Variants in DNAJC1 observed in about 807,000 individuals in gnomAD.
The protein encoded by DNAJC1 is dnaJ homolog subfamily C member 1.
Under a neutral mutation model 76.6 loss-of-function variants are expected in DNAJC1, and 58 were observed. The observed-to-expected ratio is 0.76, with a 90% CI of 0.61 to 0.94. The LOEUF (loss-of-function observed/expected upper bound fraction) is 0.94. DNAJC1 is among the 40% of genes least tolerant of loss of function. The pLI, the probability that DNAJC1 is intolerant of heterozygous loss-of-function variation, is 0.00. For missense variants in DNAJC1, 689 were observed against 677.3 expected, an observed-to-expected ratio of 1.02 and a Z score of -0.19; for synonymous variants, 258 against 267.9, an observed-to-expected ratio of 0.96 and a Z score of 0.36.
intron 9 of DNAJC1, among the ~76,000 whole-genome samples, chr10:21,768,438 TTC>T (rs749367259): frequency 6.6e-6 from 1 of 152,216 alleles, no homozygotes; most frequent in Non-Finnish European, 1.5e-5. Flanking sequence ...TTTTCCATCC[TTC>T]TCTGTTTCAT....
chr10:21,847,313 A>T (rs995483476), intron 8 of DNAJC1, among the ~76,000 whole-genome samples: 3 of 152,152 alleles, frequency 2.0e-5, no homozygotes, highest in Non-Finnish European at 2.9e-5. Context: ...TTCTTCTTTT[A>T]AAATTGATAT....
Position 21,918,913 on chromosome 10 carries a change from G to A in DNAJC1, c.636-41C>T, listed in dbSNP as rs749323418. 9 of 1,400,566 alleles carry A rather than the reference G, an allele frequency of 6.4e-6. No homozygotes were observed. The East Asian group carries it at 1.6e-4, about 25-fold the overall frequency. 86.8% of individuals were successfully genotyped at this position (1,400,566 alleles called of 1,614,324 possible). The stretch of plus-strand genomic sequence containing the variant: ...AAAAAGAACACCATACAACATATGA[G>A]GAATATACAGAGAAAGTTGGGAGGC... On this transcript the variant is annotated intron_variant, in intron 5 of 11. Coordinates refer to ENST00000376980, the MANE Select transcript of DNAJC1 (RefSeq NM_022365.4).
chr10:21,941,268 CAAAAAAAAAAA>C (rs11435502), intron 1 of DNAJC1, among the ~76,000 whole-genome samples: 1 of 43,658 alleles, frequency 2.3e-5, no homozygotes, highest in African/African-American at 1.1e-4. Context: ...GACACTGTCT[CAAAAAAAAAAA>C]AAAAAAAAAA....
At chr10:21,879,590 C>T (rs1225470672) in intron 8 of DNAJC1, among the ~76,000 whole-genome samples, 3 of 152,084 alleles carry the variant, frequency 2.0e-5, no homozygotes, top group Admixed American at 6.6e-5. Context: ...TGCCACTGCA[C>T]TCCAGCCTGG....
At chr10:21,791,326 G>C (rs1012295597) in intron 9 of DNAJC1, among the ~76,000 whole-genome samples, 3 of 152,170 alleles carry the variant, frequency 2.0e-5, no homozygotes, top group African/African-American at 4.8e-5. Context: ...GCAGTGGACA[G>C]ATCATTCAGA....
intron 7 of DNAJC1, among the ~76,000 whole-genome samples, chr10:21,894,546 G>C (rs1271656035): frequency 6.6e-6 from 1 of 152,116 alleles, no homozygotes; most frequent in Non-Finnish European, 1.5e-5. Context: ...ACTCCAGCCT[G>C]GGCAACAAGA....
At chr10:21,846,574 C>T (rs928910743) in intron 8 of DNAJC1, among the ~76,000 whole-genome samples, 4 of 152,104 alleles carry the variant, frequency 2.6e-5, no homozygotes, top group Non-Finnish European at 4.4e-5. Flanking sequence ...AGAGCCTCTA[C>T]CATTAAAACT....
chr10:21,965,356 T>C (rs927559494), intron 1 of DNAJC1, among the ~76,000 whole-genome samples: 5 of 152,310 alleles, frequency 3.3e-5, no homozygotes, highest in African/African-American at 1.2e-4. Flanking sequence ...TATCCTTACC[T>C]CAGCTTTCCT....
At chr10:21,766,961 C>T (rs1453622542) in intron 9 of DNAJC1, among the ~76,000 whole-genome samples, 2 of 144,248 alleles carry the variant, frequency 1.4e-5, no homozygotes, top group Admixed American at 1.4e-4. Context: ...CGGAGTGAGA[C>T]CCTGCCTAAA....
At chr10:21,919,727 TATAA>T in intron 5 of DNAJC1, 101 bp downstream of exon 5, 1 of 734,844 alleles carries the variant, frequency 1.4e-6, no homozygotes, top group African/African-American at 1.8e-5. Context: ...CTACCACAGA[TATAA>T]ATGAGAGCAC....
intron 9 of DNAJC1, among the ~76,000 whole-genome samples, chr10:21,776,157 G>A (rs576562349): frequency 1.8e-4 from 27 of 152,216 alleles, no homozygotes; most frequent in African/African-American, 6.0e-4. Context: ...TAAAAACACT[G>A]ATGAAATTAA....
intron 8 of DNAJC1, among the ~76,000 whole-genome samples, chr10:21,806,741 G>GAAA (rs1834889221): frequency 6.6e-6 from 1 of 150,386 alleles, no homozygotes; most frequent in Non-Finnish European, 1.5e-5. Flanking sequence ...AATAAAATTA[G>GAAA]AAACTCTTGT....
chr10:21,990,962 G>A (rs1038799647), intron 1 of DNAJC1, among the ~76,000 whole-genome samples: 30 of 152,178 alleles, frequency 2.0e-4, no homozygotes, highest in African/African-American at 7.2e-4. Flanking sequence ...GTACTCATTA[G>A]GAGTTATGAA....
chr10:21,908,301 TA>T (rs967836768), intron 6 of DNAJC1, among the ~76,000 whole-genome samples: 1 of 129,258 alleles, frequency 7.7e-6, no homozygotes, highest in African/African-American at 2.9e-5. Flanking sequence ...AATTTCCTAA[TA>T]ATTAAAATTA....
Position 22,003,653 on chromosome 10 carries a change from G to C in DNAJC1, c.-219C>G. ...GGGTAGGCGGGCGGGGCCGCAGCCA[G>C]CGCTACGTTCCGAAGACCCTCGCCC... On this transcript the variant is annotated 5_prime_UTR_variant, in exon 1 of 12. Transcript: ENST00000376980. 4.4e-6 allele frequency: 2 copies of C among 452,290 alleles called. No individual in the cohort carries two copies. The highest frequency in any genetic ancestry group is 7.8e-5 in the East Asian group (2 of 25,614). 28.0% of individuals were successfully genotyped at this position (452,290 alleles called of 1,614,324 possible). A position where few individuals can be genotyped will look rare whatever the true frequency, so the allele number is the denominator to read the frequency against.
At chr10:21,832,212 G>C (rs1207319219) in intron 8 of DNAJC1, among the ~76,000 whole-genome samples, 3 of 152,048 alleles carry the variant, frequency 2.0e-5, no homozygotes, top group Non-Finnish European at 4.4e-5. Flanking sequence ...ACTTTTTCAT[G>C]TCCTATTTTA....
At chr10:21,910,401 C>T (rs1290993264) in intron 6 of DNAJC1, among the ~76,000 whole-genome samples, 6 of 152,088 alleles carry the variant, frequency 3.9e-5, no homozygotes, top group Non-Finnish European at 8.8e-5. Context: ...CCACCGCACC[C>T]GGACACCCTT....
At chr10:21,885,727 G>C (rs1390817824) in intron 7 of DNAJC1, among the ~76,000 whole-genome samples, 3 of 152,154 alleles carry the variant, frequency 2.0e-5, no homozygotes, top group Non-Finnish European at 4.4e-5. Flanking sequence ...ACATACTCCT[G>C]AATGACTTTT....
chr10:21,831,928 T>C (rs1478508230), intron 8 of DNAJC1, among the ~76,000 whole-genome samples: 2 of 152,094 alleles, frequency 1.3e-5, no homozygotes, highest in Non-Finnish European at 2.9e-5. Context: ...TAACATAATA[T>C]CCGCTTTAGG....
Sources: gnomAD v4.1 joint callset for allele counts (sites outside exome capture counted in the v4.1 genomes callset) on GRCh38, gnomAD v4.1.1 for gene constraint, MANE v1.5 for transcripts, NCBI Gene and HGNC (gene_info 2026-07-23, HGNC 2026-07-21) for gene names.